Variants in ANKRD55 observed in about 807,000 individuals in gnomAD.
The protein encoded by ANKRD55 is ankyrin repeat domain-containing protein 55.
A neutral mutation model predicts 60.6 loss-of-function variants in ANKRD55; 41 were observed. The observed-to-expected ratio is 0.68, with a 90% CI of 0.53 to 0.88. The LOEUF is 0.88. Among genes scored for constraint, ANKRD55 ranks in the 40% least tolerant of loss-of-function variants. ANKRD55 has a pLI of 0.00. For synonymous variants in ANKRD55, 264 were observed against 290.3 expected (o/e 0.91, Z 0.92); for missense variants, 732 against 767.6 (o/e 0.95, Z 0.55).
chr5:56,199,190 C>T (rs186487126), intron 2 of ANKRD55, among the ~76,000 whole-genome samples: 4 of 152,274 alleles, frequency 2.6e-5, no homozygotes, highest in Admixed American at 6.5e-5. Context: ...TACAAATTCT[C>T]TTTAGAGAAA....
At chr5:56,102,152 C>T (rs1037735679) in intron 11 of ANKRD55, among the ~76,000 whole-genome samples, 3 of 151,642 alleles carry the variant, frequency 2.0e-5, no homozygotes, top group Non-Finnish European at 2.9e-5. Flanking sequence ...TTTGGGAGGC[C>T]GAGGTGGGTG....
intron 4 of ANKRD55, among the ~76,000 whole-genome samples, chr5:56,173,600 A>ATATATATATATATATATT (rs1266741639): frequency 7.3e-6 from 1 of 136,788 alleles, no homozygotes; most frequent in African/African-American, 2.9e-5. Flanking sequence ...ATATATATAT[A>ATATATATATATATATATT]TATATATCTT....
chr5:56,215,960 C>T (rs941705808), intron 2 of ANKRD55, among the ~76,000 whole-genome samples: 2 of 150,712 alleles, frequency 1.3e-5, no homozygotes, highest in African/African-American at 5.0e-5. Context: ...ATGAATACAT[C>T]TTGGTGGCTG....
At chr5:56,146,668 T>C (rs549372448) in intron 6 of ANKRD55, 3 of 152,316 alleles carry the variant, frequency 2.0e-5, no homozygotes, top group Non-Finnish European at 4.4e-5. Context: ...GACAATGAAC[T>C]TGTCTGATAT....
At chr5:56,112,868 T>C (rs1478916589) in intron 9 of ANKRD55, among the ~76,000 whole-genome samples, 4 of 152,214 alleles carry the variant, frequency 2.6e-5, no homozygotes, top group African/African-American at 4.8e-5. Context: ...TCACCACTTA[T>C]TTTGGATGCA....
At chr5:56,121,689 A>C (rs546991477) in intron 8 of ANKRD55, among the ~76,000 whole-genome samples, 1 of 152,200 alleles carries the variant, frequency 6.6e-6, no homozygotes, top group African/African-American at 2.4e-5. Context: ...ACCACTTTTT[A>C]AAAAAGATTG....
intron 5 of ANKRD55, among the ~76,000 whole-genome samples, chr5:56,170,322 A>T (rs1025365089): frequency 3.3e-5 from 5 of 152,062 alleles, no homozygotes; most frequent in African/African-American, 9.7e-5. Flanking sequence ...GACATCAGAG[A>T]CTCTGTTTTA....
At chr5:56,221,475 C>T (rs918977589) in intron 2 of ANKRD55, among the ~76,000 whole-genome samples, 1 of 152,204 alleles carries the variant, frequency 6.6e-6, no homozygotes, top group East Asian at 1.9e-4. Context: ...GTTCATCTCA[C>T]TGGGGCTTGT....
chr5:56,230,545 C>T (rs1164824040), intron 2 of ANKRD55, among the ~76,000 whole-genome samples: 1 of 152,196 alleles, frequency 6.6e-6, no homozygotes, highest in Admixed American at 6.5e-5. Flanking sequence ...GAAAAACCCT[C>T]AACTAAAGCC....
At chr5:56,232,752 A>ACACG in intron 2 of ANKRD55, 104 bp downstream of exon 2, 1 of 1,175,988 alleles carries the variant, frequency 8.5e-7, no homozygotes, top group East Asian at 2.4e-5. Flanking sequence ...ATGAACACAC[A>ACACG]CACACACACA....
chr5:56,193,051 A>G, intron 2 of ANKRD55: 1 of 931,592 alleles, frequency 1.1e-6, no homozygotes, highest in South Asian at 1.5e-5. Context: ...TTTTGAAAGC[A>G]GATGATGACA....
intron 7 of ANKRD55, among the ~76,000 whole-genome samples, chr5:56,132,132 CG>C (rs1343315716): frequency 3.3e-5 from 5 of 151,612 alleles, no homozygotes; most frequent in Non-Finnish European, 7.4e-5. Context: ...ATAAAGTATT[CG>C]CACTACCCAT....
chr5:56,207,603 T>C (rs1259602770), intron 2 of ANKRD55, among the ~76,000 whole-genome samples: 2 of 152,254 alleles, frequency 1.3e-5, no homozygotes, highest in Non-Finnish European at 2.9e-5. Flanking sequence ...CATGTTACTG[T>C]ACTGAATACT....
At chr5:56,193,400 G>C (rs1759155605) in intron 2 of ANKRD55, 1 of 622,454 alleles carries the variant, frequency 1.6e-6, no homozygotes, top group Admixed American at 2.5e-5. Flanking sequence ...AGAACCTTTT[G>C]GTACTGGAAT....
At chr5:56,187,115 C>A (rs1325208335) in intron 2 of ANKRD55, among the ~76,000 whole-genome samples, 2 of 152,112 alleles carry the variant, frequency 1.3e-5, no homozygotes, top group Non-Finnish European at 2.9e-5. Context: ...AATATCTTGC[C>A]AGAAATCTAA....
rs184199123 is a variant in ANKRD55, at chr5:56,195,070, T to G, written c.59-11436A>C. 6.4e-4 allele frequency among the ~76,000 whole-genome samples: 97 copies of G among 152,282 alleles called. No homozygotes were observed. In the Middle Eastern group the frequency reaches 0.017, roughly 27 times the overall value. On this transcript the variant is annotated intron_variant, in intron 2 of 11. Coordinates refer to ENST00000341048, the MANE Select transcript of ANKRD55 (RefSeq NM_024669.3). Reference sequence around the variant, plus strand: ...AAAACAATAGAAAATGCAGAGTGCTTAAATGTGATATATTGAAAGAGTAGA... The same window carrying G: ...AAAACAATAGAAAATGCAGAGTGCTGAAATGTGATATATTGAAAGAGTAGA...
intron 8 of ANKRD55, among the ~76,000 whole-genome samples, chr5:56,117,584 G>A (rs1756919031): frequency 6.6e-6 from 1 of 152,094 alleles, no homozygotes; most frequent in Admixed American, 6.5e-5. Flanking sequence ...CTCCTGAGTA[G>A]CTGAGATGAC....
At chr5:56,119,358 G>A (rs536280466) in intron 8 of ANKRD55, among the ~76,000 whole-genome samples, 30 of 152,286 alleles carry the variant, frequency 2.0e-4, no homozygotes, top group Non-Finnish European at 3.4e-4. Flanking sequence ...GTATATTTCC[G>A]CTTACATGAC....
In ANKRD55 at chr5:56,166,086, T is replaced by TTTTCTTTCTTTCTTTC. The variant is rs754266953; in HGVS notation, c.422+4592_422+4607dup. 4.6e-3 allele frequency among the ~76,000 whole-genome samples: 426 copies of TTTTCTTTCTTTCTTTC among 91,762 alleles called. 12 individuals are homozygous for TTTTCTTTCTTTCTTTC. Among genetic ancestry groups the TTTTCTTTCTTTCTTTC allele is most frequent in the East Asian group, 0.01 (30 of 2,916 alleles). The allele number at this position is 91,762 out of a possible 152,430, so 60.2% of individuals were successfully genotyped here. On this transcript the variant is annotated intron_variant, in intron 5 of 11. Coordinates refer to ENST00000341048, the MANE Select transcript of ANKRD55 (RefSeq NM_024669.3). ...CACCCTTCAGGGATCTTTCTTTTCT[T>TTTTCTTTCTTTCTTTC]TTTCTTTCTTTCTTTCTTTCTTTCT...
Sources: gnomAD v4.1 joint callset for allele counts (sites outside exome capture counted in the v4.1 genomes callset) on GRCh38, gnomAD v4.1.1 for gene constraint, MANE v1.5 for transcripts, NCBI Gene and HGNC (gene_info 2026-07-23, HGNC 2026-07-21) for gene names.